The following TOX2 variants were observed in gnomAD, a reference collection of about 807,000 sequenced individuals.
The protein encoded by TOX2 is granulosa cell HMG box 1.
A neutral mutation model predicts 47.4 loss-of-function variants in TOX2; 15 were observed. The observed-to-expected ratio is 0.32, with a 90% CI of 0.21 to 0.49. TOX2 has a LOEUF of 0.49. TOX2 is among the 20% of genes least tolerant of loss of function. The pLI, the probability that TOX2 is intolerant of heterozygous loss-of-function variation, is 0.99. For missense variants in TOX2, 622 were observed against 673.1 expected (o/e 0.92, Z 0.84); for synonymous variants, 290 against 296.6 (o/e 0.98, Z 0.23).
At chr20:44,039,212 G>C (rs2071293130) in intron 3 of TOX2, 1 of 1,286,860 alleles carries the variant, frequency 7.8e-7, no homozygotes, top group African/African-American at 1.5e-5. Context: ...AGGCTTCTCT[G>C]AGGAGGTGAC....
At chr20:43,981,722 C>G (rs1217704638) in intron 2 of TOX2, among the ~76,000 whole-genome samples, 1 of 152,142 alleles carries the variant, frequency 6.6e-6, no homozygotes, top group Non-Finnish European at 1.5e-5. Context: ...TGAAATGTGT[C>G]CAGTCATCTT....
At chr20:43,929,473 C>G (rs139629813) in intron 1 of TOX2, among the ~76,000 whole-genome samples, 4 of 151,810 alleles carry the variant, frequency 2.6e-5, no homozygotes, top group Non-Finnish European at 5.9e-5. Context: ...AGTCACCTGG[C>G]CTTCTTGCTA....
At chr20:44,020,890 C>G (rs1383128265) in intron 3 of TOX2, among the ~76,000 whole-genome samples, 1 of 152,134 alleles carries the variant, frequency 6.6e-6, no homozygotes, top group Non-Finnish European at 1.5e-5. Context: ...GACTTTTTCC[C>G]CCCAGAGGAA....
chr20:43,937,120 G>C (rs534665339), intron 1 of TOX2, among the ~76,000 whole-genome samples: 6 of 152,304 alleles, frequency 3.9e-5, no homozygotes, highest in African/African-American at 1.4e-4. Flanking sequence ...AGAGAGCTCT[G>C]GGGGGACTGT....
At chr20:43,983,514 C>T (rs932743361) in intron 2 of TOX2, among the ~76,000 whole-genome samples, 2 of 152,162 alleles carry the variant, frequency 1.3e-5, no homozygotes, top group Non-Finnish European at 2.9e-5. Flanking sequence ...GAGGTCCTTG[C>T]GGCCTCAAAG....
chr20:43,915,255 C>T lies in TOX2; in HGVS notation c.99+265C>T, dbSNP rs2069042867. Among the ~76,000 whole-genome samples, 1 of 152,284 alleles carries T rather than the reference C, an allele frequency of 6.6e-6. No homozygotes were observed. Among genetic ancestry groups the T allele is most frequent in the South Asian group, 2.1e-4 (1 of 4,826 alleles). On this transcript the variant is annotated intron_variant, in intron 1 of 8. Coordinates refer to ENST00000341197, the MANE Select transcript of TOX2 (RefSeq NM_001098797.2). This position sits in a 1 kb window ranked among gnomAD's most constrained non-coding sequence, Gnocchi z 7.1. The stretch of plus-strand genomic sequence containing the variant: ...GACAGCCTCGCAGTCATTCACAAGC[C>T]GTCACAGTGACCCACAGCCACACGC...
At chr20:43,994,187 T>C (rs2070424173) in intron 2 of TOX2, among the ~76,000 whole-genome samples, 1 of 150,562 alleles carries the variant, frequency 6.6e-6, no homozygotes, top group Admixed American at 6.6e-5. Flanking sequence ...AAAAACAGTT[T>C]GGCACGGTGG....
intron 1 of TOX2, among the ~76,000 whole-genome samples, chr20:43,970,145 G>A (rs2069938880): frequency 6.6e-6 from 1 of 152,150 alleles, no homozygotes; most frequent in East Asian, 1.9e-4. Flanking sequence ...TGCAGCTAGT[G>A]GGAGAGTCCA....
chr20:43,923,692 G>C (rs1486535963), intron 1 of TOX2, among the ~76,000 whole-genome samples: 4 of 152,202 alleles, frequency 2.6e-5, no homozygotes, highest in Non-Finnish European at 5.9e-5. Flanking sequence ...GTGGGTTGTG[G>C]GGAGAGTCTT....
chr20:43,993,661 A>T (rs2070410954), intron 2 of TOX2, among the ~76,000 whole-genome samples: 1 of 152,186 alleles, frequency 6.6e-6, no homozygotes, highest in South Asian at 2.1e-4. Flanking sequence ...TTACTGGAAC[A>T]TGGGATCCTC....
chr20:44,066,932 A>G lies in TOX2; in HGVS notation c.1484+75A>G. ...GAACAGGATGGCCAGGGATGGGAGAATGGCCAAGGGCAACGTGGACAGGGG... is the reference window on the plus strand; with the variant it reads ...GAACAGGATGGCCAGGGATGGGAGAGTGGCCAAGGGCAACGTGGACAGGGG... On this transcript the variant is annotated intron_variant, in intron 8 of 8. Coordinates refer to ENST00000341197, the MANE Select transcript of TOX2 (RefSeq NM_001098797.2). 4 of 1,556,592 alleles carry G rather than the reference A, an allele frequency of 2.6e-6. 1 individual carries two copies. The highest frequency in any genetic ancestry group is 3.5e-5 in the Admixed American group (2 of 56,656).
At chr20:44,039,004 G>A in intron 3 of TOX2, 9 of 1,209,118 alleles carry the variant, frequency 7.4e-6, no homozygotes, top group Non-Finnish European at 9.5e-6. Flanking sequence ...GTGGCCATAT[G>A]TTTCCAAGAG....
chr20:43,979,271 T>A (rs1403953475), intron 2 of TOX2, among the ~76,000 whole-genome samples: 3 of 151,974 alleles, frequency 2.0e-5, no homozygotes, highest in Non-Finnish European at 4.4e-5. Context: ...GTGAAGGAGA[T>A]TTATGGAGAG....
At chr20:44,005,934 G>A (rs1046895102) in intron 2 of TOX2, among the ~76,000 whole-genome samples, 2 of 151,878 alleles carry the variant, frequency 1.3e-5, no homozygotes, top group South Asian at 2.1e-4. Flanking sequence ...ACAGTTTGGC[G>A]AGGTGGGAAA....
intron 5 of TOX2, among the ~76,000 whole-genome samples, chr20:44,063,220 C>T (rs2071751617): frequency 6.6e-6 from 1 of 152,082 alleles, no homozygotes; most frequent in Admixed American, 6.5e-5. Flanking sequence ...GGGAGAAAAT[C>T]TTCACAATCT....
chr20:44,018,825 T>C (rs958455290), intron 3 of TOX2, among the ~76,000 whole-genome samples: 3 of 152,152 alleles, frequency 2.0e-5, no homozygotes, highest in African/African-American at 7.2e-5. Context: ...TCAGCAGCTG[T>C]GTTGGGCTGG....
At chr20:43,971,763 A>G (rs1178165858) in intron 1 of TOX2, among the ~76,000 whole-genome samples, 2 of 152,372 alleles carry the variant, frequency 1.3e-5, no homozygotes, top group East Asian at 3.9e-4. Context: ...GGGTACAGAA[A>G]AAAGAACTAT....
At position 44,069,171 on chromosome 20, in the gene TOX2, G is replaced by A. The variant is rs1051697302; in HGVS notation, c.*485G>A. On this transcript the variant is annotated 3_prime_UTR_variant, in exon 9 of 9. Coordinates refer to ENST00000341197, the MANE Select transcript of TOX2 (RefSeq NM_001098797.2). ...TGGTTCCGTGTAAGTAGTTGACTACGTGTTTTAGAACTGTGCTGAAGACAT... is the reference window on the plus strand; with the variant it reads ...TGGTTCCGTGTAAGTAGTTGACTACATGTTTTAGAACTGTGCTGAAGACAT... The A allele has an allele frequency of 1.5e-5, 5 of 343,276 alleles. No homozygotes were observed. The highest frequency in any genetic ancestry group is 2.3e-5 in the Non-Finnish European group (4 of 173,840). 21.3% of individuals were successfully genotyped at this position (343,276 alleles called of 1,614,324 possible).
At chr20:44,059,820 G>C (rs2071684503) in intron 5 of TOX2, among the ~76,000 whole-genome samples, 2 of 152,108 alleles carry the variant, frequency 1.3e-5, no homozygotes, top group South Asian at 4.1e-4. Flanking sequence ...AAATCTCACA[G>C]GACCTCTAAA....
Sources: allele counts gnomAD v4.1 joint callset (sites outside exome capture counted in the v4.1 genomes callset), GRCh38; gene constraint gnomAD v4.1.1; non-coding constraint Gnocchi (gnomAD v3.1); transcripts MANE v1.5; gene names NCBI Gene and HGNC (gene_info 2026-07-23, HGNC 2026-07-21).